DPY19L1: variants seen among roughly 807,000 people sequenced by gnomAD.
The protein encoded by DPY19L1 is protein C-mannosyl-transferase DPY19L1.
In DPY19L1, 35 loss-of-function variants were observed where a neutral mutation model predicts 96.9. That is an observed-to-expected ratio of 0.36 (90% CI 0.28 to 0.48). The LOEUF is 0.48. Ranked by LOEUF, DPY19L1 falls within the 20% of genes least tolerant of loss-of-function variation. The pLI, the probability that DPY19L1 is intolerant of heterozygous loss-of-function variation, is 0.99. For synonymous variants in DPY19L1, 205 were observed against 252.6 expected, an observed-to-expected ratio of 0.81 and a Z score of 1.79; for missense variants, 521 against 777.9, an observed-to-expected ratio of 0.67 and a Z score of 3.93.
At chr7:34,934,907 G>C (rs567861991) in intron 21 of DPY19L1, among the ~76,000 whole-genome samples, 67 of 152,306 alleles carry the variant, frequency 4.4e-4, no homozygotes, top group African/African-American at 1.6e-3. Flanking sequence ...CCCTGCTCTA[G>C]AGGCAACATT....
At chr7:35,018,254 C>T (rs1785907449) in intron 2 of DPY19L1, among the ~76,000 whole-genome samples, 2 of 151,994 alleles carry the variant, frequency 1.3e-5, no homozygotes, top group Non-Finnish European at 2.9e-5. Context: ...CATTGGGTTA[C>T]CATTTTAGAA....
chr7:35,027,160 C>T (rs1183517386), intron 1 of DPY19L1, among the ~76,000 whole-genome samples: 4 of 151,798 alleles, frequency 2.6e-5, no homozygotes, highest in South Asian at 4.2e-4. Flanking sequence ...GCCGAGATTG[C>T]GCCATTGCAC....
intron 11 of DPY19L1, among the ~76,000 whole-genome samples, chr7:34,957,104 C>T (rs374701816): frequency 2.0e-5 from 3 of 151,772 alleles, no homozygotes; most frequent in Middle Eastern, 3.4e-3. Context: ...TCCTGCCAGC[C>T]GGGCATGGTG....
intron 10 of DPY19L1, among the ~76,000 whole-genome samples, chr7:34,963,193 CAAAAAAAA>C (rs58387078): frequency 1.3e-5 from 1 of 78,804 alleles, no homozygotes; most frequent in Non-Finnish European, 2.3e-5. Context: ...AGATCTGTCT[CAAAAAAAA>C]AAAAAAAAAA....
intron 9 of DPY19L1, among the ~76,000 whole-genome samples, chr7:34,968,185 TCAAAGTAAAAA>T (rs1784650108): frequency 6.6e-6 from 1 of 151,828 alleles, no homozygotes; most frequent in Admixed American, 6.6e-5. Flanking sequence ...CAAGACAAGA[TCAAAGTAAAAA>T]GTAAGTACAA....
intron 18 of DPY19L1, 106 bp downstream of exon 18, chr7:34,941,658 GC>G: frequency 1.3e-6 from 1 of 746,418 alleles, no homozygotes; most frequent in South Asian, 1.8e-5. Context: ...ACCATGAAGA[GC>G]TTTAACTATA....
intron 7 of DPY19L1, among the ~76,000 whole-genome samples, chr7:34,985,240 C>CA (rs1785022780): frequency 6.6e-6 from 1 of 152,016 alleles, no homozygotes; most frequent in African/African-American, 2.4e-5. Flanking sequence ...CCTCTCTCTG[C>CA]AAAAAGATCC....
intron 10 of DPY19L1, among the ~76,000 whole-genome samples, chr7:34,964,490 A>G (rs1284911465): frequency 1.3e-5 from 2 of 152,202 alleles, no homozygotes; most frequent in African/African-American, 4.8e-5. Context: ...GGATGTAAAA[A>G]TCCTATCAAC....
At chr7:34,987,490 TA>T (rs1240768636) in intron 7 of DPY19L1, among the ~76,000 whole-genome samples, 1 of 152,066 alleles carries the variant, frequency 6.6e-6, no homozygotes, top group Admixed American at 6.6e-5. Flanking sequence ...AAGAAAATTT[TA>T]AAAAAGTAAA....
chr7:34,964,152 ATT>A (rs956606454), intron 10 of DPY19L1, among the ~76,000 whole-genome samples: 1 of 152,040 alleles, frequency 6.6e-6, no homozygotes, highest in Non-Finnish European at 1.5e-5. Context: ...AATTCTATAT[ATT>A]TTTTTCTTTT....
chr7:34,956,193 G>A (rs1784375032), intron 11 of DPY19L1, among the ~76,000 whole-genome samples: 1 of 152,164 alleles, frequency 6.6e-6, no homozygotes, highest in African/African-American at 2.4e-5. Context: ...TTATTTGTAT[G>A]TAATATTCGA....
chr7:34,987,888 A>T (rs750617808), intron 7 of DPY19L1: 2 of 152,084 alleles, frequency 1.3e-5, no homozygotes, highest in Non-Finnish European at 2.9e-5. Flanking sequence ...TATTTTCACA[A>T]GTAATTTTAC....
At chr7:34,972,744 A>G (rs1784750230) in intron 8 of DPY19L1, among the ~76,000 whole-genome samples, 2 of 152,188 alleles carry the variant, frequency 1.3e-5, no homozygotes, top group Admixed American at 6.5e-5. Context: ...AAACCCTATA[A>G]AAGAGGAGTT....
chr7:35,011,527 T>C lies in DPY19L1; in HGVS notation c.550-77A>G, dbSNP rs1785712197. On this transcript the variant is annotated intron_variant, in intron 4 of 21. Transcript: ENST00000638088. ...ATTACTAGAATACTTTTGAGATACTTTGACAATTACCATATTTTCCCTTTC... is the reference window on the plus strand; with the variant it reads ...ATTACTAGAATACTTTTGAGATACTCTGACAATTACCATATTTTCCCTTTC... The C allele has an allele frequency of 2.9e-6, 4 of 1,357,000 alleles. No homozygotes were observed. The Admixed American group carries it at 7.5e-5, about 25-fold the overall frequency. 84.1% of individuals were successfully genotyped at this position (1,357,000 alleles called of 1,614,324 possible).
chr7:35,016,962 G>A (rs1051350223), intron 3 of DPY19L1, among the ~76,000 whole-genome samples: 1 of 150,044 alleles, frequency 6.7e-6, no homozygotes, highest in Non-Finnish European at 1.5e-5. Flanking sequence ...CAATGTGTAG[G>A]CACTGTTTGG....
chr7:34,938,085 G>A lies in DPY19L1; in HGVS notation c.1999C>T (p.Arg667Trp), dbSNP rs375864758. The A allele has an allele frequency of 4.3e-6, 7 of 1,613,706 alleles. No homozygotes were observed. Among genetic ancestry groups the A allele is most frequent in the East Asian group, 4.5e-5 (2 of 44,872 alleles). Reference protein sequence around the residue: ...RTKIVYSMYSRKAAEEVKREL... With the variant: ...RTKIVYSMYSWKAAEEVKREL... ...CGCTTCACTTCTTCGGCTGCTTTCC[G>A]ACTATACATTGAGTATACTATTTTT... Residue 667 changes from arginine to tryptophan, a missense_variant, in exon 21 of 22, where the codon CGG (arginine) becomes TGG (tryptophan). Transcript: ENST00000638088.
intron 5 of DPY19L1, 143 bp from the exon 6 acceptor site, chr7:35,010,704 CA>C (rs1374894220): frequency 7.7e-6 from 5 of 652,266 alleles, no homozygotes; most frequent in Non-Finnish European, 1.1e-5. Context: ...CATGAAAACA[CA>C]ACACTACTGC....
At chr7:35,034,104 G>A (rs915717996) in intron 1 of DPY19L1, among the ~76,000 whole-genome samples, 1 of 152,118 alleles carries the variant, frequency 6.6e-6, no homozygotes. Context: ...AGTCAAACAG[G>A]ATTAATGCAA....
In DPY19L1 at chr7:34,929,233, T is replaced by A. The variant is rs112321053; in HGVS notation, c.*2340A>T. ...GCTTTAATACTGTTTTGTACGCCTA[T>A]GGAACCTGCTACCAATCTGCATTGC... On this transcript the variant is annotated 3_prime_UTR_variant, in exon 22 of 22. Coordinates refer to ENST00000638088, the MANE Select transcript of DPY19L1 (RefSeq NM_001366673.1). 3.3e-4 allele frequency: 51 copies of A among 152,246 alleles called. No individual in the cohort carries two copies. The highest frequency in any genetic ancestry group is 1.2e-3 in the African/African-American group (49 of 41,466). The allele number at this position is 152,246 out of a possible 1,614,324, so 9.4% of individuals were successfully genotyped here.
Sources: allele counts gnomAD v4.1 joint callset (sites outside exome capture counted in the v4.1 genomes callset), GRCh38; gene constraint gnomAD v4.1.1; transcripts MANE v1.5; gene names NCBI Gene and HGNC (gene_info 2026-07-23, HGNC 2026-07-21).